Variants in HVCN1 observed in about 807,000 individuals in gnomAD.
The protein encoded by HVCN1 is hydrogen voltage gated channel 1.
A neutral mutation model predicts 29.2 loss-of-function variants in HVCN1; 14 were observed. That is an observed-to-expected ratio of 0.48 (90% CI 0.32 to 0.75). HVCN1 has a LOEUF of 0.75. HVCN1 is among the 30% of genes least tolerant of loss of function. HVCN1 has a pLI of 0.04. For missense variants in HVCN1, 263 were observed against 341.8 expected, an observed-to-expected ratio of 0.77 and a Z score of 1.82; for synonymous variants, 131 against 133.2, an observed-to-expected ratio of 0.98 and a Z score of 0.11.
Position 110,661,225 on chromosome 12 carries a change from G to C in HVCN1, c.245C>G (p.Pro82Arg). The C allele has an allele frequency of 6.2e-7, 1 of 1,613,872 alleles. No individual in the cohort carries two copies. Among genetic ancestry groups the C allele is most frequent in the Non-Finnish European group, 8.5e-7 (1 of 1,179,774 alleles). Residue 82 changes from proline (P) to arginine (R), a missense_variant, in exon 4 of 8, where the codon CCC becomes CGC. Pro to Arg is a moderately radical substitution (Grantham distance 103, BLOSUM62 -2). Coordinates refer to ENST00000242607, the MANE Select transcript of HVCN1 (RefSeq NM_032369.4). This position sits in a 1 kb window ranked among gnomAD's most constrained non-coding sequence, Gnocchi z 6.2. The part of the protein sequence containing the change: ...PDVAPAPGPA[P>R]RAPLDFRGML... ...GCCCCTGAAGTCAAGGGGGGCCCTGGGTGCGGGGCCAGGGGCAGGGGCAAC... is the reference window on the plus strand; with the variant it reads ...GCCCCTGAAGTCAAGGGGGGCCCTGCGTGCGGGGCCAGGGGCAGGGGCAAC...
intron 2 of HVCN1, among the ~76,000 whole-genome samples, chr12:110,701,397 TG>T (rs2069562401): frequency 6.6e-6 from 1 of 152,206 alleles, no homozygotes; most frequent in Admixed American, 6.5e-5. Context: ...TGCACATTCT[TG>T]GGCCCCAACT....
At chr12:110,694,478 GAAGA>G (rs2069459685), upstream of HVCN1, among the ~76,000 whole-genome samples, 2 of 152,236 alleles carry the variant, frequency 1.3e-5, no homozygotes. The surrounding 1 kb of genome is among the most constrained non-coding windows in gnomAD (Gnocchi z 4.6). Context: ...TCCCCAGCGG[GAAGA>G]GAGAGGGCTG....
intron 5 of HVCN1, 104 bp downstream of exon 5, chr12:110,655,130 G>GCTA: frequency 1.3e-6 from 1 of 765,588 alleles, no homozygotes; most frequent in East Asian, 2.5e-5. Context: ...CACAGACCTT[G>GCTA]CTACTCCAAG....
chr12:110,689,160 C>T (rs1303742324), upstream of HVCN1: 1 of 150,858 alleles, frequency 6.6e-6, no homozygotes, highest in African/African-American at 2.4e-5. This position sits in a 1 kb window ranked among gnomAD's most constrained non-coding sequence, Gnocchi z 5.7. Context: ...CGCCCCGTAC[C>T]GTACCAGGCC....
chr12:110,651,222 A>G lies in HVCN1; in HGVS notation c.638T>C (p.Ile213Thr), dbSNP rs2067803751. The change falls in exon 6 of 8, where the codon ATC (isoleucine) becomes ACC (threonine). Residue 213 changes from isoleucine to threonine, a missense_variant. By Grantham distance (89) the Ile-to-Thr change is moderately conservative (BLOSUM62 -1). Transcript: ENST00000242607. ...TGGGAGTGCAGGAGACGTACCATTG[A>G]TGATCCGGGCCACCCGCCACAGCCG... ...LLRLWRVARI[I>T]NGIIISVKTR... is the part of the protein sequence containing the mutation. The G allele has an allele frequency of 6.2e-7, 1 of 1,611,932 alleles. No individual in the cohort carries two copies. The highest frequency in any genetic ancestry group is 1.7e-5 in the Admixed American group (1 of 59,974).
intron 2 of HVCN1, among the ~76,000 whole-genome samples, chr12:110,700,588 G>A (rs1417439296): frequency 2.0e-5 from 3 of 152,080 alleles, no homozygotes; most frequent in South Asian, 2.1e-4. Flanking sequence ...GGAATATTTC[G>A]ATCTCTCTCT....
intron 2 of HVCN1, among the ~76,000 whole-genome samples, chr12:110,696,105 A>G (rs544516641): frequency 1.3e-5 from 2 of 151,564 alleles, no homozygotes; most frequent in Admixed American, 1.3e-4. Flanking sequence ...GGAGCCCGCC[A>G]CCATGCTCAG....
chr12:110,676,454 G>A lies in HVCN1; in HGVS notation c.21+6771C>T, dbSNP rs529887585. ...GAATTTGGACTTCTGGAAAATTCCCGCCATTCCCTGATAAGAGCAGCTCAT... is the reference window on the plus strand; with the variant it reads ...GAATTTGGACTTCTGGAAAATTCCCACCATTCCCTGATAAGAGCAGCTCAT... On this transcript the variant is annotated intron_variant, in intron 3 of 7. Coordinates refer to ENST00000242607, the MANE Select transcript of HVCN1 (RefSeq NM_032369.4). The surrounding 1 kb of genome is among the most constrained non-coding windows in gnomAD (Gnocchi z 4.1). 7.2e-5 allele frequency among the ~76,000 whole-genome samples: 11 copies of A among 152,188 alleles called. No individual in the cohort carries two copies. The highest frequency in any genetic ancestry group is 1.5e-4 in the Non-Finnish European group (10 of 68,032).
chr12:110,649,916 G>A (rs1398100543), intron 7 of HVCN1, among the ~76,000 whole-genome samples: 1 of 152,148 alleles, frequency 6.6e-6, no homozygotes, highest in African/African-American at 2.4e-5. Flanking sequence ...CGCGATCTTG[G>A]CTCACCACAA....
chr12:110,689,474 G>T (rs1472004420), upstream of HVCN1: 1 of 152,192 alleles, frequency 6.6e-6, no homozygotes, highest in East Asian at 1.9e-4. This position sits in a 1 kb window ranked among gnomAD's most constrained non-coding sequence, Gnocchi z 5.7. Flanking sequence ...TTCCTCCGCC[G>T]GCTGGAGCGG....
intron 3 of HVCN1, among the ~76,000 whole-genome samples, chr12:110,672,302 T>A (rs1214515866): frequency 6.6e-6 from 1 of 152,202 alleles, no homozygotes; most frequent in Admixed American, 6.5e-5. Context: ...TAAAATGTCC[T>A]TATTGCTTGA....
At chr12:110,667,537 C>T (rs2068413941) in intron 3 of HVCN1, among the ~76,000 whole-genome samples, 1 of 152,208 alleles carries the variant, frequency 6.6e-6, no homozygotes, top group Non-Finnish European at 1.5e-5. Flanking sequence ...TCAAGCGATC[C>T]TCCCACAAAA....
chr12:110,677,874 C>A (rs373156196), intron 3 of HVCN1, among the ~76,000 whole-genome samples: 1 of 152,154 alleles, frequency 6.6e-6, no homozygotes, highest in African/African-American at 2.4e-5. Flanking sequence ...TGCTCCCCAA[C>A]TGTCTCCTTT....
At chr12:110,662,945 C>T (rs931701079) in intron 3 of HVCN1, among the ~76,000 whole-genome samples, 1 of 152,132 alleles carries the variant, frequency 6.6e-6, no homozygotes. Context: ...GGGCAGTGGA[C>T]GTTGACAGGC....
At chr12:110,671,578 A>G (rs758901845) in intron 3 of HVCN1, among the ~76,000 whole-genome samples, 2 of 152,188 alleles carry the variant, frequency 1.3e-5, no homozygotes, top group Non-Finnish European at 2.9e-5. Context: ...AGTTTGTCAC[A>G]GCAGCCACAG....
intron 2 of HVCN1, among the ~76,000 whole-genome samples, chr12:110,695,063 G>A (rs1459995378): frequency 6.6e-6 from 1 of 152,124 alleles, no homozygotes; most frequent in Non-Finnish European, 1.5e-5. Context: ...ATTAAACTTA[G>A]TCTATATAGG....
chr12:110,680,798 C>T (rs141640544), intron 3 of HVCN1, among the ~76,000 whole-genome samples: 45 of 152,148 alleles, frequency 3.0e-4, no homozygotes, highest in African/African-American at 8.4e-4. Flanking sequence ...GAGATGGTGG[C>T]GCACACCTGT....
chr12:110,677,241 C>T (rs149867971), intron 3 of HVCN1, among the ~76,000 whole-genome samples: 1 of 152,104 alleles, frequency 6.6e-6, no homozygotes, highest in Non-Finnish European at 1.5e-5. Flanking sequence ...TCCCAGAAGC[C>T]CACTCCTGTT....
intron 3 of HVCN1, among the ~76,000 whole-genome samples, chr12:110,680,957 G>A (rs980192292): frequency 6.6e-6 from 1 of 152,050 alleles, no homozygotes; most frequent in Non-Finnish European, 1.5e-5. Flanking sequence ...AAAGGCAGCA[G>A]ACAATTTTCT....
Sources: allele counts gnomAD v4.1 joint callset (sites outside exome capture counted in the v4.1 genomes callset), GRCh38; gene constraint gnomAD v4.1.1; non-coding constraint Gnocchi (gnomAD v3.1); transcripts MANE v1.5; gene names NCBI Gene and HGNC (gene_info 2026-07-23, HGNC 2026-07-21).